Variants in CADM2 observed in about 807,000 individuals in gnomAD.
CADM2 encodes immunoglobulin superfamily member 4D.
A neutral mutation model predicts 49.8 loss-of-function variants in CADM2; 12 were observed. The ratio of observed to expected loss-of-function variants is 0.24; its 90% CI spans 0.15 to 0.39. The LOEUF (loss-of-function observed/expected upper bound fraction) is 0.39. Among genes scored for constraint, CADM2 ranks in the 10% least tolerant of loss-of-function variants. The pLI is 1.00. For synonymous variants in CADM2, 214 were observed against 175.4 expected (o/e 1.22, Z -1.74); for missense variants, 378 against 492.3 (o/e 0.77, Z 2.20).
intron 2 of CADM2, among the ~76,000 whole-genome samples, chr3:85,744,034 A>G (rs1277616371): frequency 6.6e-6 from 1 of 152,206 alleles, no homozygotes; most frequent in Non-Finnish European, 1.5e-5. Flanking sequence ...GGGGGAAGAC[A>G]AACAACAATA....
At chr3:85,010,929 T>C (rs1190866394) in intron 1 of CADM2, among the ~76,000 whole-genome samples, 1 of 138,032 alleles carries the variant, frequency 7.2e-6, no homozygotes, top group African/African-American at 2.7e-5. Flanking sequence ...AGTGGCGTGA[T>C]CTCAGCTCAC....
intron 1 of CADM2, among the ~76,000 whole-genome samples, chr3:85,420,616 G>A (rs1457502291): frequency 6.6e-6 from 1 of 151,840 alleles, no homozygotes; most frequent in Non-Finnish European, 1.5e-5. Context: ...TGTAATGAAT[G>A]GACTCAAACC....
At chr3:85,063,710 T>C (rs1345520474) in intron 1 of CADM2, among the ~76,000 whole-genome samples, 1 of 152,050 alleles carries the variant, frequency 6.6e-6, no homozygotes, top group African/African-American at 2.4e-5. Flanking sequence ...GTTTTATTAA[T>C]ATTTTGAAAT....
chr3:85,248,742 GA>G (rs1482321600), intron 1 of CADM2, among the ~76,000 whole-genome samples: 1 of 152,124 alleles, frequency 6.6e-6, no homozygotes, highest in African/African-American at 2.4e-5. Flanking sequence ...GTAGGTTAAT[GA>G]TATAATAGAA....
At chr3:85,571,335 T>C (rs780691576) in intron 1 of CADM2, among the ~76,000 whole-genome samples, 1 of 152,128 alleles carries the variant, frequency 6.6e-6, no homozygotes, top group Non-Finnish European at 1.5e-5. Context: ...AGTTGATTTA[T>C]AAAACTTAGT....
At chr3:85,857,336 C>T (rs1397657939) in intron 3 of CADM2, among the ~76,000 whole-genome samples, 4 of 152,014 alleles carry the variant, frequency 2.6e-5, no homozygotes, top group African/African-American at 9.7e-5. Context: ...GGACCACATG[C>T]CAGGGAGTCA....
At chr3:85,796,731 C>A (rs1449170161) in intron 2 of CADM2, among the ~76,000 whole-genome samples, 5 of 151,546 alleles carry the variant, frequency 3.3e-5, no homozygotes, top group Admixed American at 3.3e-4. Context: ...TTTTTTTTTC[C>A]AGTGGGGGAA....
intron 5 of CADM2, among the ~76,000 whole-genome samples, chr3:85,894,435 A>G (rs552615478): frequency 2.0e-4 from 30 of 152,256 alleles, no homozygotes; most frequent in Non-Finnish European, 4.0e-4. Context: ...AACATGGCAC[A>G]TGTATACATA....
chr3:85,403,514 T>C (rs2035219949), intron 1 of CADM2, among the ~76,000 whole-genome samples: 1 of 152,150 alleles, frequency 6.6e-6, no homozygotes, highest in African/African-American at 2.4e-5. Flanking sequence ...TCAGTGATTA[T>C]GTCCTCTGAA....
At chr3:85,170,744 C>T (rs966082971) in intron 1 of CADM2, among the ~76,000 whole-genome samples, 4 of 152,170 alleles carry the variant, frequency 2.6e-5, no homozygotes, top group African/African-American at 9.7e-5. Context: ...CCCAAATGTA[C>T]TTTCAGAGGG....
intron 1 of CADM2, among the ~76,000 whole-genome samples, chr3:85,401,307 G>C (rs994855375): frequency 6.6e-6 from 1 of 152,108 alleles, no homozygotes; most frequent in African/African-American, 2.4e-5. Context: ...AGACGGTCAC[G>C]GATCCTCTCA....
chr3:85,809,950 A>C (rs1282735018), intron 3 of CADM2, among the ~76,000 whole-genome samples: 1 of 151,976 alleles, frequency 6.6e-6, no homozygotes. Flanking sequence ...TAGCAAGTGC[A>C]TGCATATTGA....
chr3:85,618,023 C>T (rs937040361), intron 1 of CADM2, among the ~76,000 whole-genome samples: 13 of 152,120 alleles, frequency 8.5e-5, no homozygotes, highest in African/African-American at 3.1e-4. Context: ...ATCTATTGAA[C>T]AATTACTTGA....
intron 7 of CADM2, among the ~76,000 whole-genome samples, chr3:85,942,378 T>C (rs62261756): frequency 7.2e-5 from 11 of 151,844 alleles, no homozygotes; most frequent in African/African-American, 2.7e-4. Context: ...TACATGTGCA[T>C]ATTGTGCAGG....
chr3:85,313,334 T>C (rs1438679611), intron 1 of CADM2, among the ~76,000 whole-genome samples: 1 of 152,232 alleles, frequency 6.6e-6, no homozygotes, highest in Non-Finnish European at 1.5e-5. Flanking sequence ...AATAAATCTC[T>C]TTTTGCAGCA....
At chr3:85,090,404 T>G (rs2107522178) in intron 1 of CADM2, among the ~76,000 whole-genome samples, 1 of 152,298 alleles carries the variant, frequency 6.6e-6, no homozygotes, top group South Asian at 2.1e-4. Context: ...GAAAAACACG[T>G]TTTTGTGTCT....
chr3:85,873,748 T>A (rs369464817), intron 3 of CADM2, among the ~76,000 whole-genome samples: 1 of 152,186 alleles, frequency 6.6e-6, no homozygotes. Flanking sequence ...ATTTTTAAAA[T>A]TTTTATTACT....
chr3:84,997,860 A>C (rs548636006), intron 1 of CADM2, among the ~76,000 whole-genome samples: 1 of 152,276 alleles, frequency 6.6e-6, no homozygotes, highest in African/African-American at 2.4e-5. Flanking sequence ...TAGTGGCACT[A>C]TCAATATAAG....
intron 1 of CADM2, among the ~76,000 whole-genome samples, chr3:85,568,367 G>C (rs911656078): frequency 6.6e-6 from 1 of 151,632 alleles, no homozygotes; most frequent in Non-Finnish European, 1.5e-5. Context: ...AGAGTGGTAA[G>C]GATTGTTACC....
Sources: gnomAD v4.1 joint callset for allele counts (sites outside exome capture counted in the v4.1 genomes callset) on GRCh38, gnomAD v4.1.1 for gene constraint, MANE v1.5 for transcripts, NCBI Gene and HGNC (gene_info 2026-07-23, HGNC 2026-07-21) for gene names.